The following NEB variants were observed in gnomAD, a reference collection of about 807,000 sequenced individuals.
NEB encodes the protein nemaline myopathy type 2.
Under a neutral mutation model 952.2 loss-of-function variants are expected in NEB, and 512 were observed. The observed-to-expected ratio is 0.54, with a 90% CI of 0.50 to 0.58. The LOEUF is 0.58. Ranked by LOEUF, NEB falls within the 20% of genes least tolerant of loss-of-function variation. The pLI is 0.00. For synonymous variants in NEB, 2,900 were observed against 3,149.8 expected, an observed-to-expected ratio of 0.92 and a Z score of 2.66; for missense variants, 8,428 against 9,231.1, an observed-to-expected ratio of 0.91 and a Z score of 3.56.
At chr2:151,527,684 A>C (rs569301301) in intron 146 of NEB, 99 bp from the exon 147 acceptor site, 52 of 795,598 alleles carry the variant, frequency 6.5e-5, no homozygotes, top group Middle Eastern at 2.9e-4. Context: ...AAAACATCTC[A>C]AATCATGATT....
intron 135 of NEB, 62 bp downstream of exon 135, chr2:151,545,826 G>A (rs2094598904): frequency 2.0e-6 from 2 of 984,478 alleles, no homozygotes; most frequent in Non-Finnish European, 1.6e-6. Context: ...AGAGCCTTGT[G>A]GAGTAATTCA....
intron 161 of NEB, among the ~76,000 whole-genome samples, chr2:151,510,105 G>GAGCCTC (rs1221982031): frequency 9.9e-5 from 15 of 152,000 alleles, no homozygotes; most frequent in Non-Finnish European, 1.9e-4. Context: ...CCTTCCTCTG[G>GAGCCTC]AGCCTCAGTA....
intron 13 of NEB, among the ~76,000 whole-genome samples, chr2:151,698,638 T>G (rs1254626687): frequency 2.1e-5 from 3 of 146,148 alleles, no homozygotes; most frequent in Admixed American, 6.8e-5. Context: ...TTCATTAATT[T>G]TTTTTTTTTT....
rs779247691 is a variant in NEB, at chr2:151,563,656, C to G, written c.18643G>C (p.Glu6215Gln). ...GHYLAGKVIGEFPGVVHCLDF... is the reference protein window; with the variant it reads ...GHYLAGKVIGQFPGVVHCLDF... ...AGACAGTGAACCACACCAGGGAATTCACCGATCACTTTTCCAGCCAGGTAG... is the reference window on the plus strand; with the variant it reads ...AGACAGTGAACCACACCAGGGAATTGACCGATCACTTTTCCAGCCAGGTAG... Residue 6215 changes from glutamate (E) to glutamine (Q), a missense_variant, in exon 119 of 182, where the codon GAA becomes CAA. By Grantham distance (29) the Glu-to-Gln change is conservative. Around this residue, in one of 11 missense-constraint regions of NEB, gnomAD observed 3,374 missense variants for 3,651.5 expected, o/e 0.92. Transcript: ENST00000397345. The G allele has an allele frequency of 1.2e-6, 2 of 1,613,874 alleles. No individual in the cohort carries two copies. Among genetic ancestry groups the G allele is most frequent in the Non-Finnish European group, 8.5e-7 (1 of 1,179,784 alleles).
intron 29 of NEB, among the ~76,000 whole-genome samples, chr2:151,682,219 TG>T (rs1258424338): frequency 6.6e-6 from 1 of 152,090 alleles, no homozygotes; most frequent in Non-Finnish European, 1.5e-5. Context: ...GCTGAAATTT[TG>T]GGGGGAAACT....
intron 179 of NEB, chr2:151,491,475 G>T: frequency 2.2e-6 from 1 of 464,602 alleles, no homozygotes; most frequent in East Asian, 3.8e-5. Flanking sequence ...GACATGCACT[G>T]AGGCAGTGAA....
intron 48 of NEB, among the ~76,000 whole-genome samples, chr2:151,657,238 G>A (rs1328463639): frequency 1.3e-5 from 2 of 152,114 alleles, no homozygotes; most frequent in Non-Finnish European, 2.9e-5. Context: ...GGATAGGTAG[G>A]GAAGATGAAG....
At chr2:151,577,890 T>C (rs1367563352) in intron 105 of NEB, among the ~76,000 whole-genome samples, 2 of 152,184 alleles carry the variant, frequency 1.3e-5, no homozygotes, top group East Asian at 1.9e-4. Context: ...ATGTCATGTT[T>C]TTTCTTCTTC....
At chr2:151,616,424 C>T (rs1018677363) in intron 75 of NEB, among the ~76,000 whole-genome samples, 23 of 152,072 alleles carry the variant, frequency 1.5e-4, no homozygotes, top group African/African-American at 5.1e-4. Context: ...CGTGGTGGCT[C>T]ACGCCTGTAA....
chr2:151,553,509 G>A lies in NEB; in HGVS notation c.19627-7C>T. 2.5e-6 allele frequency: 4 copies of A among 1,586,600 alleles called. No homozygotes were observed. Among genetic ancestry groups the A allele is most frequent in the Non-Finnish European group, 3.4e-6 (4 of 1,160,236 alleles). ...GGTCATCCTTGTATACAATCTAGAG[G>A]GTTTTGATAGAAAGGATCAGAAAAA... On this transcript the variant is annotated splice_polypyrimidine_tract_variant and splice_region_variant and intron_variant, in intron 126 of 181. Transcript: ENST00000397345.
At position 151,493,450 on chromosome 2, in the gene NEB, G is replaced by A; in HGVS notation, c.24673-5C>T. On this transcript the variant is annotated splice_polypyrimidine_tract_variant and splice_region_variant and intron_variant, in intron 175 of 181. Transcript: ENST00000397345. Reference sequence around the variant, plus strand: ...CATGTTCTCTTTGTACAATACCTAGGGAAGCCAAAAGAGCATCTAGGCATC... The same window carrying A: ...CATGTTCTCTTTGTACAATACCTAGAGAAGCCAAAAGAGCATCTAGGCATC... 6.4e-7 allele frequency: 1 copy of A among 1,568,338 alleles called. No homozygotes were observed. Among genetic ancestry groups the A allele is most frequent in the Non-Finnish European group, 8.6e-7 (1 of 1,157,744 alleles).
rs754506178 is a variant in NEB at position 151,534,287 on chromosome 2, T to C, written c.21313-741A>G. 26 of 1,613,542 alleles carry C rather than the reference T, an allele frequency of 1.6e-5. No individual in the cohort carries two copies. The highest frequency in any genetic ancestry group is 3.3e-5 in the South Asian group (3 of 91,084). ...CATCGACTACCAGGTGGTATTTATC[T>C]TTCCGCTGCTCATAATCAGCTCTGT... On this transcript the variant is annotated intron_variant, in intron 142 of 181. Coordinates refer to ENST00000397345, the MANE Select transcript of NEB (RefSeq NM_001164508.2).
chr2:151,610,491 A>C (rs2097908526), intron 80 of NEB, 25 bp downstream of exon 80: 11 of 1,554,376 alleles, frequency 7.1e-6, no homozygotes, highest in Non-Finnish European at 8.9e-6. Flanking sequence ...TGGAGACCAC[A>C]GAGAGTTAGA....
chr2:151,655,462 G>A (rs1458968526), intron 50 of NEB, 88 bp from the exon 51 acceptor site: 1 of 651,952 alleles, frequency 1.5e-6, no homozygotes, highest in African/African-American at 1.8e-5. Flanking sequence ...GTACTTGAAT[G>A]CACTCAATTT....
rs772294501 is a variant in NEB at position 151,519,748 on chromosome 2, G to A, written c.22500C>T (p.Phe7500=). The A allele has an allele frequency of 1.1e-5, 18 of 1,610,878 alleles. No individual in the cohort carries two copies. Among genetic ancestry groups the A allele is most frequent in the East Asian group, 4.5e-5 (2 of 44,812 alleles). Reference sequence around the variant, plus strand: ...TTGGTGTCTTGCCCTTTTCTTTATCGAAATTTTCTCGGTATTTAACCTAAC... The same window carrying A: ...TTGGTGTCTTGCCCTTTTCTTTATCAAAATTTTCTCGGTATTTAACCTAAC... ...LSSQVKYREN[F]DKEKGKTPKY... The change falls in exon 154 of 182, where the codon TTC becomes TTT. Residue 7500 remains phenylalanine, a synonymous_variant. Transcript: ENST00000397345.
chr2:151,677,735 C>T lies in NEB; in HGVS notation c.3604G>A (p.Gly1202Ser). ...YKEDYNNWMK[G>S]IGWIPIGSLD... The stretch of plus-strand genomic sequence containing the variant: ...CTGCCAATAGGAATCCAGCCAATGC[C>T]TTTCATCCAGTTGTTGTAGTCTTCC... The change falls in exon 34 of 182, where the codon GGC (glycine) becomes AGC (serine). Residue 1202 changes from glycine to serine, a missense_variant. Physicochemically the swap from Gly to Ser is moderately conservative, Grantham distance 56. Around this residue, in one of 11 missense-constraint regions of NEB, gnomAD observed 2,851 missense variants for 2,791.5 expected, o/e 1.02. Coordinates refer to ENST00000397345, the MANE Select transcript of NEB (RefSeq NM_001164508.2). 6.2e-7 allele frequency: 1 copy of T among 1,613,990 alleles called. No homozygotes were observed. Among genetic ancestry groups the T allele is most frequent in the Non-Finnish European group, 8.5e-7 (1 of 1,179,882 alleles).
intron 41 of NEB, among the ~76,000 whole-genome samples, chr2:151,665,785 G>A (rs1213114456): frequency 6.6e-6 from 1 of 152,052 alleles, no homozygotes; most frequent in Non-Finnish European, 1.5e-5. Flanking sequence ...GAAAATAAAT[G>A]AAAAATTAAC....
intron 13 of NEB, among the ~76,000 whole-genome samples, chr2:151,705,931 G>C (rs1034287810): frequency 2.0e-5 from 3 of 152,136 alleles, no homozygotes; most frequent in Admixed American, 2.0e-4. Context: ...GGAATGTTGG[G>C]GTGGGAGTGA....
intron 147 of NEB, 114 bp downstream of exon 147, chr2:151,527,367 G>T (rs578172403): frequency 3.0e-4 from 268 of 895,150 alleles, no homozygotes; most frequent in Non-Finnish European, 4.3e-4. Flanking sequence ...CTCCTTCTCG[G>T]ATCTCAAACG....
Sources: gnomAD v4.1 joint callset for allele counts (sites outside exome capture counted in the v4.1 genomes callset) on GRCh38, gnomAD v4.1.1 for gene constraint, gnomAD v4.1.1 regional missense constraint, MANE v1.5 for transcripts, NCBI Gene and HGNC (gene_info 2026-07-23, HGNC 2026-07-21) for gene names.